Variants in ACLY observed in about 807,000 individuals in gnomAD.
The protein encoded by ACLY is ATP citrate lyase.
A neutral mutation model predicts 133.0 loss-of-function variants in ACLY; 41 were observed. The observed-to-expected ratio is 0.31, with a 90% confidence interval of 0.24 to 0.40. The LOEUF (loss-of-function observed/expected upper bound fraction) is 0.40. ACLY is among the 10% of genes least tolerant of loss of function. ACLY has a pLI of 1.00. For missense variants in ACLY, 1,046 were observed against 1,453.8 expected (o/e 0.72, Z 4.56); for synonymous variants, 495 against 549.3 (o/e 0.90, Z 1.38).
chr17:41,926,478 T>C (rs1395579821), intron 1 of ACLY, among the ~76,000 whole-genome samples: 1 of 152,240 alleles, frequency 6.6e-6, no homozygotes, highest in Admixed American at 6.5e-5. Context: ...ATTGGTATTT[T>C]ATGGTTTTTG....
intron 11 of ACLY, among the ~76,000 whole-genome samples, chr17:41,899,806 G>A (rs1403360622): frequency 1.3e-5 from 2 of 152,060 alleles, no homozygotes; most frequent in Admixed American, 1.3e-4. Context: ...CACTTTGGGA[G>A]GCCTAGGCAG....
chr17:41,887,511 T>C (rs2049086135), intron 17 of ACLY, 88 bp downstream of exon 17: 3 of 1,040,288 alleles, frequency 2.9e-6, no homozygotes, highest in East Asian at 4.8e-5. Context: ...AGGAGGGAGA[T>C]AGAGGAGTCA....
intron 1 of ACLY, among the ~76,000 whole-genome samples, chr17:41,916,337 T>G (rs782527897): frequency 2.0e-5 from 3 of 151,806 alleles, no homozygotes; most frequent in Non-Finnish European, 4.4e-5. Flanking sequence ...AATCGCAACT[T>G]TAGTGGTTCA....
intron 1 of ACLY, among the ~76,000 whole-genome samples, chr17:41,916,497 C>T (rs1341541937): frequency 1.3e-5 from 2 of 151,762 alleles, no homozygotes; most frequent in African/African-American, 4.8e-5. Context: ...CCGCAGCCTC[C>T]TGAGTAGCTG....
intron 17 of ACLY, among the ~76,000 whole-genome samples, chr17:41,887,255 A>G (rs782808816): frequency 1.1e-4 from 16 of 151,930 alleles, no homozygotes; most frequent in Non-Finnish European, 1.3e-4. Flanking sequence ...CCTGACCAAC[A>G]TGGTGAAATC....
chr17:41,903,755 CAAAAAAAAAAA>C (rs10615655), intron 10 of ACLY, among the ~76,000 whole-genome samples: 13 of 48,692 alleles, frequency 2.7e-4, no homozygotes, highest in African/African-American at 6.6e-4. Flanking sequence ...GACTCTGTCT[CAAAAAAAAAAA>C]AAAAAAAAAA....
intron 16 of ACLY, among the ~76,000 whole-genome samples, chr17:41,888,995 G>C (rs2049129260): frequency 6.6e-6 from 1 of 152,086 alleles, no homozygotes; most frequent in Admixed American, 6.6e-5. Flanking sequence ...ATGCATGCCT[G>C]TAATCCCAGC....
chr17:41,899,439 C>T (rs1204264518), intron 11 of ACLY, among the ~76,000 whole-genome samples: 1 of 152,158 alleles, frequency 6.6e-6, no homozygotes, highest in Non-Finnish European at 1.5e-5. Flanking sequence ...TGTTCCTAAA[C>T]ACCCTGAGCC....
chr17:41,901,906 C>T, intron 10 of ACLY, 93 bp from the exon 11 acceptor site: 1 of 964,672 alleles, frequency 1.0e-6, no homozygotes, highest in South Asian at 1.6e-5. Flanking sequence ...GTATATGTGA[C>T]AAGTGCTGCT....
intron 3 of ACLY, among the ~76,000 whole-genome samples, chr17:41,911,491 G>A (rs1297339024): frequency 1.3e-5 from 2 of 152,142 alleles, no homozygotes; most frequent in African/African-American, 2.4e-5. Context: ...TCTCATCTAC[G>A]TGGTTGAAAT....
chr17:41,881,674 G>A (rs2048921295), intron 20 of ACLY, among the ~76,000 whole-genome samples: 1 of 151,984 alleles, frequency 6.6e-6, no homozygotes, highest in Admixed American at 6.6e-5. Flanking sequence ...TCAGCTCACT[G>A]CATCCTCCGC....
intron 14 of ACLY, 34 bp downstream of exon 14, chr17:41,896,586 C>T (rs782753183): frequency 6.5e-5 from 100 of 1,531,888 alleles, no homozygotes; most frequent in Non-Finnish European, 8.6e-5. Context: ...AACAAAGCCA[C>T]ACGCGGAGTG....
chr17:41,888,716 T>C (rs1214676513), intron 16 of ACLY, among the ~76,000 whole-genome samples: 1 of 151,760 alleles, frequency 6.6e-6, no homozygotes, highest in Non-Finnish European at 1.5e-5. Context: ...GGAGACCCGG[T>C]AGGAGGATCA....
At chr17:41,872,787 C>T (rs1226678424) in intron 23 of ACLY, among the ~76,000 whole-genome samples, 1 of 152,168 alleles carries the variant, frequency 6.6e-6, no homozygotes, top group African/African-American at 2.4e-5. Context: ...TGTCCCTTCA[C>T]AGTGTAGGAG....
In ACLY at chr17:41,906,531, T is replaced by C; in HGVS notation, c.863A>G (p.Tyr288Cys). 1 of 1,614,052 alleles carries C rather than the reference T, an allele frequency of 6.2e-7. No individual in the cohort carries two copies. The highest frequency in any genetic ancestry group is 8.5e-7 in the Non-Finnish European group (1 of 1,179,924). The change falls in exon 8 of 29, where the codon TAC (tyrosine) becomes TGC (cysteine). Residue 288 changes from tyrosine (Y) to cysteine (C), a missense_variant. Around this residue, in one of 4 missense-constraint regions of ACLY, gnomAD observed 575 missense variants for 804.2 expected, o/e 0.71. Coordinates refer to ENST00000352035, the MANE Select transcript of ACLY (RefSeq NM_001096.3). ...TTCAGCAACCCCCTTCGGTCACCTG[T>C]ACACGACAGAGGCGCCACCCCCGGC... ...MVAGGGASVV[Y>C]SDTICDLGGV... is the part of the protein sequence containing the mutation.
In ACLY at chr17:41,898,223, A is replaced by G. The variant is rs150165606; in HGVS notation, c.1339-384T>C. On this transcript the variant is annotated intron_variant, in intron 12 of 28. Transcript: ENST00000352035. ...CGCCTCCCAGGTTCAAGTGATTCTC[A>G]TGCCTGAGCCTCCCGAGTAGCTGGG... Among the ~76,000 whole-genome samples, 176 of 152,172 alleles carry G rather than the reference A, an allele frequency of 1.2e-3. 3 individuals are homozygous for G. Among genetic ancestry groups the G allele is most frequent in the Middle Eastern group, 3.4e-3 (1 of 294 alleles).
upstream of ACLY, among the ~76,000 whole-genome samples, chr17:41,920,025 G>C (rs1337757378): frequency 1.3e-5 from 2 of 152,162 alleles, no homozygotes; most frequent in African/African-American, 4.8e-5. Flanking sequence ...TCCACTGACC[G>C]ACTCAGGTGA....
chr17:41,868,925 T>C (rs1368109721), intron 27 of ACLY, 118 bp downstream of exon 27: 1 of 1,355,208 alleles, frequency 7.4e-7, no homozygotes, highest in African/African-American at 1.5e-5. Context: ...TGTTTTCTTC[T>C]TTATACCTCT....
Position 41,929,333 on chromosome 17 carries a change from G to A in ACLY, c.-28+1025C>T, listed in dbSNP as rs188985426. Among the ~76,000 whole-genome samples, 538 of 152,050 alleles carry A rather than the reference G, an allele frequency of 3.5e-3. 6 individuals are homozygous for A. Among genetic ancestry groups the A allele is most frequent in the African/African-American group, 0.012 (516 of 41,468 alleles). On this transcript the variant is annotated intron_variant, in intron 1 of 3. Coordinates refer to the ACLY transcript ENST00000592970. ...TGGTCTCGAACTCCTGAGCTCAAGC[G>A]ATCCTCCCACCTCAGTCTCCAAAGT...
Sources: gnomAD v4.1 joint callset for allele counts (sites outside exome capture counted in the v4.1 genomes callset) on GRCh38, gnomAD v4.1.1 for gene constraint, gnomAD v4.1.1 regional missense constraint, MANE v1.5 for transcripts, NCBI Gene and HGNC (gene_info 2026-07-23, HGNC 2026-07-21) for gene names.